TMEM208: variants seen among roughly 807,000 people sequenced by gnomAD.
TMEM208 encodes the protein transmembrane protein 208.
In TMEM208, 19 loss-of-function variants were observed where a neutral mutation model predicts 26.4. The ratio of observed to expected loss-of-function variants is 0.72; its 90% CI spans 0.50 to 1.06. The LOEUF (loss-of-function observed/expected upper bound fraction) is 1.06, where lower values mean the gene tolerates loss of function less well. Among genes scored for constraint, TMEM208 ranks in the 50% least tolerant of loss-of-function variants. TMEM208 has a pLI of 0.00. For synonymous variants in TMEM208, 93 were observed against 83.1 expected (o/e 1.12, Z -0.65); for missense variants, 183 against 219.8 (o/e 0.83, Z 1.06).
chr16:67,229,168 C>A lies in TMEM208; in HGVS notation c.*55C>A. The A allele has an allele frequency of 6.6e-7, 1 of 1,522,910 alleles. No homozygotes were observed. The allele number at this position is 1,522,910 out of a possible 1,614,324, so 94.3% of individuals were successfully genotyped here. ...CCCTGGGTGGCTCTGTCAGGGTGCACAGCCCCTCATGCCTGGAGCAATGAG... is the reference window on the plus strand; with the variant it reads ...CCCTGGGTGGCTCTGTCAGGGTGCAAAGCCCCTCATGCCTGGAGCAATGAG... On this transcript the variant is annotated 3_prime_UTR_variant, in exon 6 of 6. Coordinates refer to ENST00000304800, the MANE Select transcript of TMEM208 (RefSeq NM_014187.4).
intron 1 of TMEM208, chr16:67,227,571 C>T (rs564170976): frequency 2.0e-5 from 11 of 554,432 alleles, no homozygotes; most frequent in East Asian, 1.2e-4. Flanking sequence ...CAGACTACCA[C>T]GGGATCCAGA....
chr16:67,227,445 T>C (rs890550024), intron 1 of TMEM208, among the ~76,000 whole-genome samples: 1 of 151,944 alleles, frequency 6.6e-6, no homozygotes, highest in African/African-American at 2.4e-5. Context: ...AGGCCAGAGA[T>C]CTAAGTGACC....
At chr16:67,228,182 G>C in intron 2 of TMEM208, 173 bp from the exon 3 acceptor site, 1 of 733,990 alleles carries the variant, frequency 1.4e-6, no homozygotes, top group Non-Finnish European at 2.3e-6. Context: ...GGGCTGAGTT[G>C]GGTGTCAGAG....
At position 67,229,072 on chromosome 16, in the gene TMEM208, C is replaced by A. The variant is rs367680134; in HGVS notation, c.481C>A (p.Arg161=). 1.2e-6 allele frequency: 2 copies of A among 1,612,868 alleles called. No homozygotes were observed. The highest frequency in any genetic ancestry group is 1.7e-5 in the Admixed American group (1 of 59,838). ...CCCAGCACCAGAGCACAATGAGAAA[C>A]GGCAGCGCCGACAGGAGCGGCGGCA... ...GTPAPEHNEK[R]QRRQERRQMK... The change falls in exon 6 of 6, where the codon CGG becomes AGG. Residue 161 remains arginine (R), a synonymous_variant. Transcript: ENST00000304800.
Position 67,228,857 on chromosome 16 carries a change from C to CT in TMEM208, c.361dup (p.Tyr121LeufsTer39). On this transcript the variant is annotated frameshift_variant, in exon 5 of 6. Coordinates refer to ENST00000304800, the MANE Select transcript of TMEM208 (RefSeq NM_014187.4). LOFTEE classifies it high-confidence loss of function. ...TGCAGGTGCTCAGCTGCTTCTCTCT[C>CT]TATGTCTGGTCCTTCTGGCTTCTGG... The CT allele has an allele frequency of 1.2e-6, 2 of 1,614,038 alleles. No individual in the cohort carries two copies. Among genetic ancestry groups the CT allele is most frequent in the Non-Finnish European group, 1.7e-6 (2 of 1,179,888 alleles).
In TMEM208 at chr16:67,227,889, A is replaced by T; in HGVS notation, c.60A>T (p.Arg20Ser). ...RGKKQIFEEN[R>S]ETLKFYLRII... ...AGAAGCAGATATTTGAAGAGAACAG[A>T]GAGACTCTGAAGTTCTACCTGCGGA... The change falls in exon 2 of 6, where the codon AGA (arginine) becomes AGT (serine). Residue 20 changes from arginine (R) to serine (S), a missense_variant. By Grantham distance (110) the Arg-to-Ser change is moderately radical (BLOSUM62 -1). Coordinates refer to ENST00000304800, the MANE Select transcript of TMEM208 (RefSeq NM_014187.4). 1 of 1,611,940 alleles carries T rather than the reference A, an allele frequency of 6.2e-7. No individual in the cohort carries two copies. Among genetic ancestry groups the T allele is most frequent in the Non-Finnish European group, 8.5e-7 (1 of 1,179,028 alleles).
intron 2 of TMEM208, 192 bp downstream of exon 2, chr16:67,228,123 T>C (rs2034096053): frequency 3.1e-6 from 2 of 650,574 alleles, no homozygotes; most frequent in Non-Finnish European, 5.3e-6. Flanking sequence ...GAGTCGTAGC[T>C]GAATTTGAGA....
intron 1 of TMEM208, 71 bp from the exon 2 acceptor site, chr16:67,227,765 A>C: frequency 4.7e-6 from 6 of 1,281,536 alleles, no homozygotes; most frequent in Non-Finnish European, 5.5e-6. Context: ...GGAGCTCTAT[A>C]GCTCACCAGG....
chr16:67,228,609 A>G lies in TMEM208; in HGVS notation c.277A>G (p.Asn93Asp). 1 of 1,590,740 alleles carries G rather than the reference A, an allele frequency of 6.3e-7. No homozygotes were observed. Among genetic ancestry groups the G allele is most frequent in the South Asian group, 1.1e-5 (1 of 87,268 alleles). Residue 93 changes from asparagine to aspartate, a missense_variant, in exon 4 of 6, where the codon AAC becomes GAC. Physicochemically the swap from Asn to Asp is conservative, Grantham distance 23 (BLOSUM62 1). Transcript: ENST00000304800. ...GALMDGGMDL[N>D]MEQGMAEHLK... is the part of the protein sequence containing the mutation. Reference sequence around the variant, plus strand: ...CCTGATGGATGGTGGCATGGACCTCAACATGGAGCAGGGCATGGCAGAGTG... The same window carrying G: ...CCTGATGGATGGTGGCATGGACCTCGACATGGAGCAGGGCATGGCAGAGTG...
In TMEM208 at chr16:67,228,496, TG is replaced by T; in HGVS notation, c.166del (p.Ala56ProfsTer16). The T allele has an allele frequency of 6.2e-7, 1 of 1,613,876 alleles. No homozygotes were observed. Among genetic ancestry groups the T allele is most frequent in the Non-Finnish European group, 8.5e-7 (1 of 1,179,790 alleles). On this transcript the variant is annotated frameshift_variant and splice_region_variant, in exon 4 of 6. Transcript: ENST00000304800. LOFTEE classifies it high-confidence loss of function. ...FYSSASFWAWLALGFSLAVYG... is the reference protein window; with the variant it reads ...FYSSASFWAWXALGFSLAVYG... ...GATACCCTCATTCTTGCTCTGCAGT[TG>T]GCCCTGGGCTTTAGTCTGGCAGTGT...
rs1330913705 is a variant in TMEM208, at chr16:67,228,879, C to A, written c.382C>A (p.Leu128Met). The A allele has an allele frequency of 6.2e-7, 1 of 1,613,970 alleles. No individual in the cohort carries two copies. The part of the protein sequence containing the change: ...FSLYVWSFWL[L>M]APGRALYLLW... Reference sequence around the variant, plus strand: ...TCTCTATGTCTGGTCCTTCTGGCTTCTGGTATGTGGGCTGGGGGCGCTCCC... The same window carrying A: ...TCTCTATGTCTGGTCCTTCTGGCTTATGGTATGTGGGCTGGGGGCGCTCCC... Residue 128 changes from leucine to methionine, a missense_variant and splice_region_variant, in exon 5 of 6, where the codon CTG (leucine) becomes ATG (methionine). Physicochemically the swap from Leu to Met is conservative, Grantham distance 15. Transcript: ENST00000304800.
chr16:67,227,355 C>T, intron 1 of TMEM208, 131 bp downstream of exon 1: 4 of 1,341,010 alleles, frequency 3.0e-6, no homozygotes, highest in Middle Eastern at 1.9e-4. Flanking sequence ...CCAGACCGTG[C>T]TAGAGCTGGG....
chr16:67,227,972 A>C, intron 2 of TMEM208, 41 bp downstream of exon 2: 1 of 1,502,718 alleles, frequency 6.7e-7, no homozygotes, highest in Non-Finnish European at 9.1e-7. Flanking sequence ...ACTTATAGTC[A>C]GTTCCCTAGT....
In TMEM208 at chr16:67,228,476, C is replaced by G. The variant is rs114100086; in HGVS notation, c.163-19C>G. Reference sequence around the variant, plus strand: ...AGGGTCAGTGGCTGGCCTTTGATACCCTCATTCTTGCTCTGCAGTTGGCCC... The same window carrying G: ...AGGGTCAGTGGCTGGCCTTTGATACGCTCATTCTTGCTCTGCAGTTGGCCC... On this transcript the variant is annotated intron_variant, in intron 3 of 5. Transcript: ENST00000304800. The G allele has an allele frequency of 1.1e-5, 17 of 1,613,750 alleles. No homozygotes were observed. The highest frequency in any genetic ancestry group is 1.0e-4 in the Admixed American group (6 of 59,986).
Position 67,228,524 on chromosome 16 carries a change from T to C in TMEM208, c.192T>C (p.Tyr64=), listed in dbSNP as rs2034113292. 1.9e-6 allele frequency: 3 copies of C among 1,613,028 alleles called. No individual in the cohort carries two copies. The highest frequency in any genetic ancestry group is 2.2e-5 in the South Asian group (2 of 91,068). Residue 64 remains tyrosine (Y), a synonymous_variant, in exon 4 of 6, where the codon TAT becomes TAC. Coordinates refer to ENST00000304800, the MANE Select transcript of TMEM208 (RefSeq NM_014187.4). The part of the protein sequence containing the change: ...WLALGFSLAV[Y]GASYHSMSSM... The stretch of plus-strand genomic sequence containing the variant: ...CCCTGGGCTTTAGTCTGGCAGTGTA[T>C]GGGGCCAGCTACCACTCTATGAGCT...
At chr16:67,228,774 T>G (rs1293230730) in intron 4 of TMEM208, 23 bp from the exon 5 acceptor site, 1 of 1,605,084 alleles carries the variant, frequency 6.2e-7, no homozygotes, top group African/African-American at 1.3e-5. Context: ...ATGCTGTCTT[T>G]CCAGCTTTAT....
Position 67,227,850 on chromosome 16 carries a change from G to A in TMEM208, c.21G>A (p.Val7=), listed in dbSNP as rs1421331524. Residue 7 remains valine (V), a synonymous_variant, in exon 2 of 6, where the codon GTG becomes GTA. Coordinates refer to ENST00000304800, the MANE Select transcript of TMEM208 (RefSeq NM_014187.4). MAPKGK[V]GTRGKKQIFE... ...TTCCTCTGCAGCCCAAGGGCAAAGT[G>A]GGCACGAGAGGGAAGAAGCAGATAT... The A allele has an allele frequency of 6.2e-7, 1 of 1,609,340 alleles. No homozygotes were observed. The highest frequency in any genetic ancestry group is 8.5e-7 in the Non-Finnish European group (1 of 1,177,806).
rs753563627 is a variant in TMEM208, at chr16:67,227,185, C to A, written c.-34C>A. On this transcript the variant is annotated 5_prime_UTR_variant, in exon 1 of 6. Transcript: ENST00000304800. ...AGTGATTGCGGTTTCGGTCGCTCTC[C>A]CGTGTTTCCCGGGCTGGGTATTTGC... The A allele has an allele frequency of 3.7e-6, 6 of 1,610,912 alleles. No homozygotes were observed. Among genetic ancestry groups the A allele is most frequent in the African/African-American group, 2.7e-5 (2 of 75,026 alleles).
chr16:67,228,964 T>C lies in TMEM208; in HGVS notation c.385-12T>C. ...CCCTGCATCTTGCTTCAAGTTACCGTTTCTCTTGTAGGCTCCAGGCCGGGC... is the reference window on the plus strand; with the variant it reads ...CCCTGCATCTTGCTTCAAGTTACCGCTTCTCTTGTAGGCTCCAGGCCGGGC... On this transcript the variant is annotated splice_polypyrimidine_tract_variant and intron_variant, in intron 5 of 5. Transcript: ENST00000304800. 1 of 1,609,046 alleles carries C rather than the reference T, an allele frequency of 6.2e-7. No individual in the cohort carries two copies. The highest frequency in any genetic ancestry group is 8.5e-7 in the Non-Finnish European group (1 of 1,177,170).
Sources: allele counts gnomAD v4.1 joint callset (sites outside exome capture counted in the v4.1 genomes callset), GRCh38; gene constraint gnomAD v4.1.1; transcripts MANE v1.5; gene names NCBI Gene and HGNC (gene_info 2026-07-23, HGNC 2026-07-21).